The following BRPF1 variants were observed in gnomAD, a reference collection of about 807,000 sequenced individuals.
BRPF1 encodes bromodomain and PHD finger containing 1.
BRPF1 carries 15 observed loss-of-function variants against 115.0 expected under a neutral mutation model. The ratio of observed to expected loss-of-function variants is 0.13; its 90% CI spans 0.09 to 0.20. The LOEUF (loss-of-function observed/expected upper bound fraction) is 0.20. BRPF1 is among the 10% of genes least tolerant of loss of function. The pLI, the probability that BRPF1 is intolerant of heterozygous loss-of-function variation, is 1.00. For missense variants in BRPF1, 1,118 were observed against 1,638.3 expected, an observed-to-expected ratio of 0.68 and a Z score of 5.48; for synonymous variants, 647 against 619.8, an observed-to-expected ratio of 1.04 and a Z score of -0.65.
At position 9,745,013 on chromosome 3, in the gene BRPF1, C is replaced by A. The variant is rs2077099082; in HGVS notation, c.2926C>A (p.Pro976Thr). The A allele has an allele frequency of 1.2e-6, 2 of 1,614,238 alleles. No homozygotes were observed. The highest frequency in any genetic ancestry group is 1.7e-6 in the Non-Finnish European group (2 of 1,180,044). ...KSTEDPPMDL[P>T]ANGFSGGNQP... is the part of the protein sequence containing the mutation. Reference sequence around the variant, plus strand: ...TCCCCTTCCCTTCAACCAAGACTTACCAGCCAATGGCTTCAGCGGTGGAAA... The same window carrying A: ...TCCCCTTCCCTTCAACCAAGACTTAACAGCCAATGGCTTCAGCGGTGGAAA... Residue 976 changes from proline (P) to threonine (T), a missense_variant, in exon 10 of 14, where the codon CCA (proline) becomes ACA (threonine). By Grantham distance (38) the Pro-to-Thr change is conservative. Around this residue, in one of 10 missense-constraint regions of BRPF1, gnomAD observed 92 missense variants for 102.2 expected, o/e 0.90. Coordinates refer to ENST00000383829, the MANE Select transcript of BRPF1 (RefSeq NM_001003694.2). The surrounding 1 kb of genome is among the most constrained non-coding windows in gnomAD (Gnocchi z 5.1).
At chr3:9,740,563 T>A (rs2125502611) in intron 3 of BRPF1, among the ~76,000 whole-genome samples, 1 of 152,204 alleles carries the variant, frequency 6.6e-6, no homozygotes, top group South Asian at 2.1e-4. Flanking sequence ...GGGTTAGGGA[T>A]CTGGTTTAGT....
At chr3:9,744,617 G>T in intron 9 of BRPF1, 109 bp downstream of exon 9, 1 of 834,520 alleles carries the variant, frequency 1.2e-6, no homozygotes, top group Non-Finnish European at 1.8e-6. Flanking sequence ...GAGCTAGAAG[G>T]GTCCTTAGGA....
At position 9,745,971 on chromosome 3, in the gene BRPF1, G is replaced by A; in HGVS notation, c.3324+41G>A. The A allele has an allele frequency of 6.3e-7, 1 of 1,578,188 alleles. No homozygotes were observed. Among genetic ancestry groups the A allele is most frequent in the Non-Finnish European group, 8.6e-7 (1 of 1,156,774 alleles). ...TTACACTTCTTGCTTTCCAATCCCA[G>A]AATACAGATTCACAGTTAGCAGACT... On this transcript the variant is annotated intron_variant, in intron 12 of 13. Coordinates refer to ENST00000383829, the MANE Select transcript of BRPF1 (RefSeq NM_001003694.2). The surrounding 1 kb of genome is among the most constrained non-coding windows in gnomAD (Gnocchi z 5.1).
At position 9,745,515 on chromosome 3, in the gene BRPF1, C is replaced by T. The variant is rs933495244; in HGVS notation, c.3069-58C>T. 5.7e-6 allele frequency: 9 copies of T among 1,575,570 alleles called. No homozygotes were observed. In the African/African-American group the frequency reaches 1.1e-4, roughly 19 times the overall value. ...GGCTTTAAGAGCTGAGGGCACATAC[C>T]ATGCTGTTCCCCATTCTTCCCCTCC... is the stretch of plus-strand genomic sequence containing the variant. On this transcript the variant is annotated intron_variant, in intron 10 of 13. Transcript: ENST00000383829. This position sits in a 1 kb window ranked among gnomAD's most constrained non-coding sequence, Gnocchi z 5.1.
rs1446938949 is a variant in BRPF1 at position 9,747,242 on chromosome 3, C to T, written c.3556C>T (p.Arg1186Cys). The change falls in exon 14 of 14, where the codon CGC (arginine) becomes TGC (cysteine). Residue 1186 changes from arginine (R) to cysteine (C), a missense_variant. By Grantham distance (180) the Arg-to-Cys change is radical. This residue lies in a region of BRPF1 where 76 missense variants were observed against 166.1 expected (regional missense o/e 0.46). Coordinates refer to ENST00000383829, the MANE Select transcript of BRPF1 (RefSeq NM_001003694.2). This position sits in a 1 kb window ranked among gnomAD's most constrained non-coding sequence, Gnocchi z 5.6. ...AGACAAGGAGAAGATGCTGGAGGGC[C>T]GCAAGTCCAACATCCGCAAGTCAGT... ...DLDKEKMLEGRKSNIRKSVQI... is the reference protein window; with the variant it reads ...DLDKEKMLEGCKSNIRKSVQI... 1 of 1,614,132 alleles carries T rather than the reference C, an allele frequency of 6.2e-7. No homozygotes were observed. Among genetic ancestry groups the T allele is most frequent in the Non-Finnish European group, 8.5e-7 (1 of 1,180,036 alleles).
rs1249624059 is a variant in BRPF1 at position 9,742,891 on chromosome 3, G to A, written c.2002-53G>A. On this transcript the variant is annotated intron_variant, in intron 6 of 13. Coordinates refer to ENST00000383829, the MANE Select transcript of BRPF1 (RefSeq NM_001003694.2). Reference sequence around the variant, plus strand: ...GGGGGGCTTGTTAGGAGCAGGGTTCGGGGCAATAAGGAGGATATCTCCACT... The same window carrying A: ...GGGGGGCTTGTTAGGAGCAGGGTTCAGGGCAATAAGGAGGATATCTCCACT... 27 of 1,566,328 alleles carry A rather than the reference G, an allele frequency of 1.7e-5. No individual in the cohort carries two copies. In the Admixed American group the frequency reaches 1.9e-4, roughly 11 times the overall value.
rs747548475 is a variant in BRPF1, at chr3:9,734,675, G to C, written c.535G>C (p.Val179Leu). 14 of 1,614,022 alleles carry C rather than the reference G, an allele frequency of 8.7e-6. No individual in the cohort carries two copies. Among genetic ancestry groups the C allele is most frequent in the Non-Finnish European group, 1.1e-5 (13 of 1,180,032 alleles). ...GAGCACCACTCCCAAGCTGCCAGAG[G>C]TGGTCTATCGGGAGCTGGAACAGGA... ...SASTTPKLPE[V>L]VYRELEQDTP... Residue 179 changes from valine (V) to leucine (L), a missense_variant, in exon 2 of 14, where the codon GTG (valine) becomes CTG (leucine). Coordinates refer to ENST00000383829, the MANE Select transcript of BRPF1 (RefSeq NM_001003694.2). The surrounding 1 kb of genome is among the most constrained non-coding windows in gnomAD (Gnocchi z 5.7).
At position 9,743,140 on chromosome 3, in the gene BRPF1, C is replaced by G. The variant is rs539983019; in HGVS notation, c.2198C>G (p.Ala733Gly). 1 of 1,614,240 alleles carries G rather than the reference C, an allele frequency of 6.2e-7. No homozygotes were observed. Among genetic ancestry groups the G allele is most frequent in the East Asian group, 2.2e-5 (1 of 44,886 alleles). Residue 733 changes from alanine to glycine, a missense_variant, in exon 7 of 14, where the codon GCT (alanine) becomes GGT (glycine). Physicochemically the swap from Ala to Gly is moderately conservative, Grantham distance 60. Coordinates refer to ENST00000383829, the MANE Select transcript of BRPF1 (RefSeq NM_001003694.2). The surrounding 1 kb of genome is among the most constrained non-coding windows in gnomAD (Gnocchi z 6.1). Reference sequence around the variant, plus strand: ...GTGCGGCTTCGTGAGCAGGGTGGTGCTGTGCTCCGCCAGGCCCGGCGCCAG... The same window carrying G: ...GTGCGGCTTCGTGAGCAGGGTGGTGGTGTGCTCCGCCAGGCCCGGCGCCAG... ...AAVRLREQGG[A>G]VLRQARRQAE...
Position 9,734,166 on chromosome 3 carries a change from C to T in BRPF1, c.26C>T (p.Thr9Ile). Residue 9 changes from threonine (T) to isoleucine (I), a missense_variant, in exon 2 of 14, where the codon ACT becomes ATT. Physicochemically the swap from Thr to Ile is moderately conservative, Grantham distance 89. Transcript: ENST00000383829. The surrounding 1 kb of genome is among the most constrained non-coding windows in gnomAD (Gnocchi z 5.7). ...ATGGGGGTGGACTTTGATGTGAAGA[C>T]TTTCTGCCACAACTTGCGGGCGACT... is the stretch of plus-strand genomic sequence containing the variant. The part of the protein sequence containing the change: MGVDFDVK[T>I]FCHNLRATKP... The T allele has an allele frequency of 1.2e-6, 2 of 1,610,570 alleles. No homozygotes were observed. Among genetic ancestry groups the T allele is most frequent in the Non-Finnish European group, 1.7e-6 (2 of 1,177,496 alleles).
intron 8 of BRPF1, 118 bp downstream of exon 8, chr3:9,744,019 C>A (rs1428990755): frequency 7.5e-7 from 1 of 1,341,782 alleles, no homozygotes; most frequent in Middle Eastern, 2.0e-4. Flanking sequence ...GCTGTACTTT[C>A]TCCCTCATTC....
chr3:9,735,954 A>T (rs1468169497), intron 2 of BRPF1, among the ~76,000 whole-genome samples: 1 of 151,428 alleles, frequency 6.6e-6, no homozygotes, highest in Non-Finnish European at 1.5e-5. Flanking sequence ...AAGCTTTTAT[A>T]TGAAAAGCAT....
chr3:9,741,300 CT>C lies in BRPF1; in HGVS notation c.1723-7del, dbSNP rs756276641. ...AATCATCCTCTGATCTTCGTTTTGC[CT>C]CTACAGAGAGATTCTGAGGATAAGA... On this transcript the variant is annotated splice_region_variant and splice_polypyrimidine_tract_variant and intron_variant, in intron 4 of 13. Transcript: ENST00000383829. 1 of 1,556,574 alleles carries C rather than the reference CT, an allele frequency of 6.4e-7. No individual in the cohort carries two copies. Among genetic ancestry groups the C allele is most frequent in the Admixed American group, 2.0e-5 (1 of 49,546 alleles).
At chr3:9,741,920 G>C in intron 5 of BRPF1, 105 bp from the exon 6 acceptor site, 1 of 1,330,180 alleles carries the variant, frequency 7.5e-7, no homozygotes, top group Non-Finnish European at 1.0e-6. Flanking sequence ...CAGCTGTGAG[G>C]GTGGGAAAGA....
In BRPF1 at chr3:9,747,487, A is replaced by G; in HGVS notation, c.*138A>G. ...AGTCTCAGGGGAAGCTGGGTGGGGG[A>G]GGTCCCTCCTGCCCTAAGTGCAGCT... On this transcript the variant is annotated 3_prime_UTR_variant, in exon 14 of 14. Coordinates refer to ENST00000383829, the MANE Select transcript of BRPF1 (RefSeq NM_001003694.2). This position sits in a 1 kb window ranked among gnomAD's most constrained non-coding sequence, Gnocchi z 5.6. The G allele has an allele frequency of 1.9e-6, 2 of 1,039,156 alleles. No individual in the cohort carries two copies. The highest frequency in any genetic ancestry group is 2.8e-6 in the Non-Finnish European group (2 of 712,232). 64.4% of individuals were successfully genotyped at this position (1,039,156 alleles called of 1,614,324 possible).
intron 2 of BRPF1, among the ~76,000 whole-genome samples, chr3:9,737,480 A>G (rs74538953): frequency 1.2e-3 from 179 of 152,356 alleles, no homozygotes; most frequent in African/African-American, 3.8e-3. Context: ...AGATGAACAA[A>G]CAAGGCTCAG....
intron 6 of BRPF1, 78 bp from the exon 7 acceptor site, chr3:9,742,866 G>C: frequency 1.5e-5 from 22 of 1,477,044 alleles, no homozygotes; most frequent in Middle Eastern, 1.9e-4. Context: ...ATGTGTTTCA[G>C]GGGGGCTTGT....
intron 9 of BRPF1, 74 bp from the exon 10 acceptor site, chr3:9,744,934 T>A (rs2077097176): frequency 1.3e-6 from 2 of 1,599,766 alleles, no homozygotes; most frequent in Non-Finnish European, 1.7e-6. Context: ...TCCAAGTCCC[T>A]CTTACCTCCA....
chr3:9,738,966 C>A, intron 2 of BRPF1, 33 bp from the exon 3 acceptor site: 1 of 1,520,050 alleles, frequency 6.6e-7, no homozygotes, highest in South Asian at 1.3e-5. Context: ...AAATCTCAAC[C>A]ATGTGATGCT....
chr3:9,742,237 G>A, intron 6 of BRPF1, 66 bp downstream of exon 6: 1 of 1,591,464 alleles, frequency 6.3e-7, no homozygotes, highest in Non-Finnish European at 8.6e-7. Flanking sequence ...CCTGCTGCAG[G>A]TCTGGGCCAG....
Sources: gnomAD v4.1 joint callset for allele counts (sites outside exome capture counted in the v4.1 genomes callset) on GRCh38, gnomAD v4.1.1 for gene constraint, gnomAD v4.1.1 regional missense constraint, Gnocchi (gnomAD v3.1) non-coding constraint, MANE v1.5 for transcripts, NCBI Gene and HGNC (gene_info 2026-07-23, HGNC 2026-07-21) for gene names.